The following C12orf42 variants were observed in gnomAD, a reference collection of about 807,000 sequenced individuals.
The protein encoded by C12orf42 is uncharacterized protein C12orf42.
In C12orf42, 25 loss-of-function variants were observed where a neutral mutation model predicts 21.6. The ratio of observed to expected loss-of-function variants is 1.16; its 90% CI spans 0.84 to 1.62. The LOEUF is 1.62. Among genes scored for constraint, C12orf42 ranks in the 40% most tolerant of loss-of-function variants. The pLI, the probability that C12orf42 is intolerant of heterozygous loss-of-function variation, is 0.00. For missense variants in C12orf42, 483 were observed against 459.3 expected, an observed-to-expected ratio of 1.05 and a Z score of -0.47; for synonymous variants, 174 against 175.0, an observed-to-expected ratio of 0.99 and a Z score of 0.05.
chr12:103,558,155 G>C, the C12orf42 span: 1 of 152,244 alleles, frequency 6.6e-6, no homozygotes, highest in South Asian at 2.1e-4. Context: ...TCACTTGCTA[G>C]ACTGTCACCA....
At chr12:103,303,325 G>A (rs2037930288) in intron 5 of C12orf42, among the ~76,000 whole-genome samples, 1 of 151,178 alleles carries the variant, frequency 6.6e-6, no homozygotes, top group South Asian at 2.1e-4. Flanking sequence ...ATAATATATT[G>A]CATATATAAA....
the C12orf42 span, among the ~76,000 whole-genome samples, chr12:103,530,636 A>T: frequency 2.0e-5 from 3 of 150,752 alleles, no homozygotes; most frequent in African/African-American, 7.3e-5. Flanking sequence ...CGGGGGGGGA[A>T]AACCCACACC....
intron 3 of C12orf42, chr12:103,397,813 A>G (rs1259701560): frequency 6.6e-6 from 1 of 152,204 alleles, no homozygotes; most frequent in Non-Finnish European, 1.5e-5. Flanking sequence ...GGGTATAAAC[A>G]TGCATTTAGA....
At chr12:103,489,793 A>G (rs564628304) in intron 1 of C12orf42, among the ~76,000 whole-genome samples, 7 of 152,234 alleles carry the variant, frequency 4.6e-5, no homozygotes, top group Non-Finnish European at 1.0e-4. Flanking sequence ...GCCGGTTGCT[A>G]AGACTATCGG....
In C12orf42 at chr12:103,339,124, A is replaced by T. The variant is rs368811518; in HGVS notation, c.259+29763T>A. On this transcript the variant is annotated intron_variant, in intron 4 of 5. Transcript: ENST00000548883. ...ACCTTCACAATAAAAACAATTCAAG[A>T]CATAAATATTATTTGCATTTGGGCT... is the stretch of plus-strand genomic sequence containing the variant. Among the ~76,000 whole-genome samples, 7 of 152,374 alleles carry T rather than the reference A, an allele frequency of 4.6e-5. No homozygotes were observed. In the East Asian group the frequency reaches 1.3e-3, roughly 29 times the overall value.
chr12:103,312,707 G>A (rs552673605), intron 4 of C12orf42, among the ~76,000 whole-genome samples: 16 of 152,184 alleles, frequency 1.1e-4, no homozygotes, highest in Non-Finnish European at 1.9e-4. Context: ...TTCTTTTAAT[G>A]TGTAAGCATC....
At chr12:103,157,586 G>A in the C12orf42 span, among the ~76,000 whole-genome samples, 1 of 152,124 alleles carries the variant, frequency 6.6e-6, no homozygotes, top group African/African-American at 2.4e-5. Context: ...TTCTAATTGG[G>A]TTTTTATGGT....
chr12:103,351,752 G>A (rs2043118241), intron 4 of C12orf42, among the ~76,000 whole-genome samples: 1 of 152,032 alleles, frequency 6.6e-6, no homozygotes, highest in Non-Finnish European at 1.5e-5. Flanking sequence ...GCCTAGATGT[G>A]TCTAGAAGTC....
intron 2 of C12orf42, among the ~76,000 whole-genome samples, chr12:103,424,404 C>G (rs922264630): frequency 6.6e-6 from 1 of 152,040 alleles, no homozygotes; most frequent in Admixed American, 6.5e-5. Context: ...ATAGGAACAG[C>G]TCCGGTCTGC....
chr12:103,433,148 A>T (rs1020570347), intron 2 of C12orf42, among the ~76,000 whole-genome samples: 7 of 152,216 alleles, frequency 4.6e-5, no homozygotes, highest in African/African-American at 1.7e-4. Flanking sequence ...GTTGTGTCCG[A>T]GCACCTAGCA....
chr12:103,294,996 C>T (rs1478765839), intron 4 of C12orf42, among the ~76,000 whole-genome samples: 2 of 152,122 alleles, frequency 1.3e-5, no homozygotes, highest in African/African-American at 4.8e-5. Flanking sequence ...ATTTAGCTCC[C>T]ACTTATGACT....
chr12:103,324,131 G>T (rs1184921533), intron 4 of C12orf42, among the ~76,000 whole-genome samples: 1 of 152,134 alleles, frequency 6.6e-6, no homozygotes, highest in Non-Finnish European at 1.5e-5. Flanking sequence ...TGTGTCAACT[G>T]CACTTTTAGG....
At chr12:103,148,210 C>T in the C12orf42 span, among the ~76,000 whole-genome samples, 5 of 152,232 alleles carry the variant, frequency 3.3e-5, no homozygotes, top group Admixed American at 2.0e-4. Flanking sequence ...TGTGGGTCTA[C>T]TAGAAGTCCA....
chr12:103,502,307 C>T, the C12orf42 span, among the ~76,000 whole-genome samples: 2 of 152,146 alleles, frequency 1.3e-5, no homozygotes, highest in Non-Finnish European at 2.9e-5. Flanking sequence ...CCAAATACCT[C>T]CAACTCATGC....
At chr12:103,559,230 T>C in the C12orf42 span, 4 of 140,864 alleles carry the variant, frequency 2.8e-5, no homozygotes, top group Non-Finnish European at 6.5e-5. Flanking sequence ...TACATGCCAA[T>C]GCAACTGGCC....
At chr12:103,207,932 C>A in the C12orf42 span, among the ~76,000 whole-genome samples, 1 of 152,154 alleles carries the variant, frequency 6.6e-6, no homozygotes, top group Non-Finnish European at 1.5e-5. Flanking sequence ...GCTTGAACTC[C>A]CTGTGACAGC....
At chr12:103,155,996 C>A in the C12orf42 span, 1 of 151,320 alleles carries the variant, frequency 6.6e-6, no homozygotes, top group Non-Finnish European at 1.5e-5. Context: ...TTATTATGAA[C>A]ATTTGTTAAT....
chr12:103,420,670 C>T (rs2049806160), intron 2 of C12orf42, among the ~76,000 whole-genome samples: 1 of 152,114 alleles, frequency 6.6e-6, no homozygotes, highest in Admixed American at 6.5e-5. Context: ...GCTTGAATTA[C>T]AGGCGCACAC....
chr12:103,328,609 A>G (rs2040921881), intron 4 of C12orf42, among the ~76,000 whole-genome samples: 1 of 152,220 alleles, frequency 6.6e-6, no homozygotes, highest in Non-Finnish European at 1.5e-5. Flanking sequence ...TCCTTTCCAC[A>G]AAGTTCAGTT....
Sources: allele counts gnomAD v4.1 joint callset (sites outside exome capture counted in the v4.1 genomes callset), GRCh38; gene constraint gnomAD v4.1.1; transcripts MANE v1.5; gene names NCBI Gene and HGNC (gene_info 2026-07-23, HGNC 2026-07-21).